FNTB: variants seen among roughly 807,000 people sequenced by gnomAD.
The protein encoded by FNTB is protein farnesyltransferase subunit beta.
In FNTB, 27 loss-of-function variants were observed where a neutral mutation model predicts 59.4. That is an observed-to-expected ratio of 0.45 (90% CI 0.34 to 0.63). The LOEUF (loss-of-function observed/expected upper bound fraction) is 0.63, where lower values mean the gene tolerates loss of function less well. Among genes scored for constraint, FNTB ranks in the 20% least tolerant of loss-of-function variants. The pLI is 0.02. For synonymous variants in FNTB, 230 were observed against 220.7 expected (o/e 1.04, Z -0.37); for missense variants, 449 against 559.6 (o/e 0.80, Z 1.99).
At position 64,991,618 on chromosome 14, in the gene FNTB, TAAG is replaced by T. The variant is rs1344572460; in HGVS notation, c.144+4527_144+4529del. ...GACTCCATCTCAAAAAAGAAAAAAATAAGAAGAATATGCTATAGGCAGTCACAG... is the reference window on the plus strand; with the variant it reads ...GACTCCATCTCAAAAAAGAAAAAAATAAGAATATGCTATAGGCAGTCACAG... On this transcript the variant is annotated intron_variant, in intron 1 of 11. Coordinates refer to ENST00000246166, the MANE Select transcript of FNTB (RefSeq NM_002028.4). This position sits in a 1 kb window ranked among gnomAD's most constrained non-coding sequence, Gnocchi z 4.4. 7.2e-5 allele frequency among the ~76,000 whole-genome samples: 11 copies of T among 151,728 alleles called. No individual in the cohort carries two copies. The highest frequency in any genetic ancestry group is 1.9e-4 in the East Asian group (1 of 5,176).
rs1024388620 is a variant in FNTB at position 65,011,391 on chromosome 14, T to C, written c.210-926T>C. Among the ~76,000 whole-genome samples, 3 of 139,100 alleles carry C rather than the reference T, an allele frequency of 2.2e-5. No individual in the cohort carries two copies. In the Admixed American group the frequency reaches 2.3e-4, roughly 11 times the overall value. 91.3% of individuals were successfully genotyped at this position (139,100 alleles called of 152,430 possible). A position where few individuals can be genotyped will look rare whatever the true frequency, so the allele number is the denominator to read the frequency against. On this transcript the variant is annotated intron_variant, in intron 2 of 11. Coordinates refer to ENST00000246166, the MANE Select transcript of FNTB (RefSeq NM_002028.4). The surrounding 1 kb of genome is among the most constrained non-coding windows in gnomAD (Gnocchi z 4.0). ...TTGCAGTAAGCTGAAATCACACCAC[T>C]GCACTCCAGCCTGGGTGACAGAGCG... is the stretch of plus-strand genomic sequence containing the variant.
At chr14:65,026,140 A>G (rs984307846) in intron 4 of FNTB, among the ~76,000 whole-genome samples, 1 of 152,348 alleles carries the variant, frequency 6.6e-6, no homozygotes, top group Middle Eastern at 3.4e-3. Flanking sequence ...AGAAGGCCCC[A>G]TGAACACTGC....
rs993114843 is a variant in FNTB, at chr14:65,044,093, A to G, written c.823-218A>G. Among the ~76,000 whole-genome samples, 1 of 152,200 alleles carries G rather than the reference A, an allele frequency of 6.6e-6. No homozygotes were observed. Among genetic ancestry groups the G allele is most frequent in the Non-Finnish European group, 1.5e-5 (1 of 68,026 alleles). ...GTCTGCCAGGCATTGAGCAGAGATC[A>G]GTGCTGGATGCCTCTACAGCGTTGG... On this transcript the variant is annotated intron_variant, in intron 8 of 11. Coordinates refer to ENST00000246166, the MANE Select transcript of FNTB (RefSeq NM_002028.4). This position sits in a 1 kb window ranked among gnomAD's most constrained non-coding sequence, Gnocchi z 5.5.
intron 2 of FNTB, among the ~76,000 whole-genome samples, chr14:65,006,724 C>T (rs1464572424): frequency 6.6e-6 from 1 of 152,228 alleles, no homozygotes; most frequent in Non-Finnish European, 1.5e-5. Flanking sequence ...TCCCTTTTCA[C>T]TTACCATCAG....
chr14:65,026,615 T>G (rs931262446), intron 4 of FNTB, among the ~76,000 whole-genome samples: 3 of 152,184 alleles, frequency 2.0e-5, no homozygotes, highest in African/African-American at 7.2e-5. Context: ...ATCCCAGCAC[T>G]TGCAGAGGCT....
At chr14:65,021,984 C>T (rs765656861) in intron 4 of FNTB, 4 of 455,936 alleles carry the variant, frequency 8.8e-6, no homozygotes, top group Middle Eastern at 3.2e-4. Context: ...TCTTCCAGAA[C>T]AGCAGCCATC....
chr14:65,002,620 A>G (rs1300844856), intron 1 of FNTB, among the ~76,000 whole-genome samples: 1 of 148,230 alleles, frequency 6.7e-6, no homozygotes, highest in Non-Finnish European at 1.5e-5. Context: ...AATAATAATA[A>G]TAAAATAAAA....
rs1441928449 is a variant in FNTB, at chr14:65,054,311, A to T, written c.1068-264A>T. On this transcript the variant is annotated intron_variant, in intron 10 of 11. Coordinates refer to ENST00000246166, the MANE Select transcript of FNTB (RefSeq NM_002028.4). The surrounding 1 kb of genome is among the most constrained non-coding windows in gnomAD (Gnocchi z 4.4). Reference sequence around the variant, plus strand: ...ATTTTTTGTAGAGACGGGGTCTCCCATGTTGCCCAAGTTGGTTTTGAACTC... The same window carrying T: ...ATTTTTTGTAGAGACGGGGTCTCCCTTGTTGCCCAAGTTGGTTTTGAACTC... 6.6e-6 allele frequency among the ~76,000 whole-genome samples: 1 copy of T among 151,828 alleles called. No individual in the cohort carries two copies. The highest frequency in any genetic ancestry group is 1.5e-5 in the Non-Finnish European group (1 of 67,990).
chr14:65,053,219 A>G lies in FNTB; in HGVS notation c.956-19A>G. The stretch of plus-strand genomic sequence containing the variant: ...GGCTGGATCTGCCGGGCCCTTACTG[A>G]CCCTTTGCCCTTCAACAGGTGACCC... On this transcript the variant is annotated intron_variant, in intron 9 of 11. Transcript: ENST00000246166. 7.4e-7 allele frequency: 1 copy of G among 1,357,300 alleles called. No homozygotes were observed. 84.1% of individuals were successfully genotyped at this position (1,357,300 alleles called of 1,614,324 possible). A position where few individuals can be genotyped will look rare whatever the true frequency, so the allele number is the denominator to read the frequency against.
intron 11 of FNTB, among the ~76,000 whole-genome samples, chr14:65,056,085 C>CTATAAGCAATATATAGTTTTT (rs1221180206): frequency 6.6e-6 from 1 of 152,116 alleles, no homozygotes; most frequent in Non-Finnish European, 1.5e-5. Context: ...ACATATGTAT[C>CTATAAGCAATATATAGTTTTT]TATAAGCAAT....
At chr14:65,019,053 C>T (rs1566872938) in intron 4 of FNTB, among the ~76,000 whole-genome samples, 1 of 152,078 alleles carries the variant, frequency 6.6e-6, no homozygotes, top group Non-Finnish European at 1.5e-5. Context: ...TACTGCACTC[C>T]CGGCTCCTAC....
intron 9 of FNTB, among the ~76,000 whole-genome samples, chr14:65,051,337 C>T (rs1483052784): frequency 6.6e-6 from 1 of 152,142 alleles, no homozygotes; most frequent in South Asian, 2.1e-4. Context: ...AGGCTGGGTG[C>T]GGTGGCCCAT....
chr14:65,022,200 A>G (rs2061901436), intron 4 of FNTB: 1 of 388,692 alleles, frequency 2.6e-6, no homozygotes, highest in Non-Finnish European at 5.2e-6. Context: ...ATGCCAGCTC[A>G]TGCATCTTGC....
intron 8 of FNTB, among the ~76,000 whole-genome samples, chr14:65,042,828 T>A (rs74952288): frequency 0.017 from 2,575 of 152,336 alleles, 44 homozygotes; most frequent in African/African-American, 0.039. Context: ...CTGCTTTCTC[T>A]CTGCCTGAGT....
Position 65,053,272 on chromosome 14 carries a change from C to A in FNTB, c.990C>A (p.Phe330Leu). The change falls in exon 10 of 12, where the codon TTC (phenylalanine) becomes TTA (leucine). Residue 330 changes from phenylalanine to leucine, a missense_variant. This residue lies in a region of FNTB where 337 missense variants were observed against 479.1 expected (regional missense o/e 0.70). Coordinates refer to ENST00000246166, the MANE Select transcript of FNTB (RefSeq NM_002028.4). ...CCCTTAGCATGAGCCACTGGATGTTCCATCAGCAGGCCCTGCAGGAGTACA... is the reference window on the plus strand; with the variant it reads ...CCCTTAGCATGAGCCACTGGATGTTACATCAGCAGGCCCTGCAGGAGTACA... ...DPALSMSHWM[F>L]HQQALQEYIL... 1 of 1,455,594 alleles carries A rather than the reference C, an allele frequency of 6.9e-7. No homozygotes were observed. The highest frequency in any genetic ancestry group is 9.1e-7 in the Non-Finnish European group (1 of 1,094,678). 90.2% of individuals were successfully genotyped at this position (1,455,594 alleles called of 1,614,324 possible).
At position 65,031,324 on chromosome 14, in the gene FNTB, G is replaced by GT. The variant is rs1320519815; in HGVS notation, c.606-1275dup. 1.1e-3 allele frequency among the ~76,000 whole-genome samples: 153 copies of GT among 144,102 alleles called. No homozygotes were observed. Among genetic ancestry groups the GT allele is most frequent in the East Asian group, 2.4e-3 (12 of 4,922 alleles). 94.5% of individuals were successfully genotyped at this position (144,102 alleles called of 152,430 possible). On this transcript the variant is annotated intron_variant, in intron 6 of 11. Transcript: ENST00000246166. This position sits in a 1 kb window ranked among gnomAD's most constrained non-coding sequence, Gnocchi z 4.6. ...TCAAGTATAATAATTTTTTGTGTTT[G>GT]TTTTTTTTTTTGAGACAGAGTCTCA...
chr14:64,987,028 T>C lies in FNTB; in HGVS notation c.75T>C (p.Ser25=), dbSNP rs1887970231. Residue 25 remains serine (S), a synonymous_variant, in exon 1 of 12, where the codon AGT becomes AGC. Transcript: ENST00000246166. ...CCGTCTGGTCAGAGCCGCTGTACAG[T>C]CTGAGGCCCGAGCACGCGCGAGAGC... is the stretch of plus-strand genomic sequence containing the variant. ...SSPVWSEPLY[S]LRPEHARERL... 6.2e-7 allele frequency: 1 copy of C among 1,614,052 alleles called. No individual in the cohort carries two copies. The highest frequency in any genetic ancestry group is 1.7e-5 in the Admixed American group (1 of 60,008).
At position 65,011,790 on chromosome 14, in the gene FNTB, C is replaced by G. The variant is rs371411496; in HGVS notation, c.210-527C>G. 2.4e-3 allele frequency among the ~76,000 whole-genome samples: 361 copies of G among 152,236 alleles called. 2 individuals are homozygous for G. The highest frequency in any genetic ancestry group is 8.2e-3 in the African/African-American group (342 of 41,536). On this transcript the variant is annotated intron_variant, in intron 2 of 11. Coordinates refer to ENST00000246166, the MANE Select transcript of FNTB (RefSeq NM_002028.4). The surrounding 1 kb of genome is among the most constrained non-coding windows in gnomAD (Gnocchi z 4.0). ...CCTCTGGCCAGGGCTGTGGGTCACACGTGGGAGGTGGAATTTCAGGGAGAG... is the reference window on the plus strand; with the variant it reads ...CCTCTGGCCAGGGCTGTGGGTCACAGGTGGGAGGTGGAATTTCAGGGAGAG...
chr14:65,005,743 T>C (rs1399735784), intron 2 of FNTB, among the ~76,000 whole-genome samples: 2 of 152,066 alleles, frequency 1.3e-5, no homozygotes, highest in African/African-American at 2.4e-5. Flanking sequence ...GCGAATCCTT[T>C]CAGTGCAGCC....
Sources: gnomAD v4.1 joint callset for allele counts (sites outside exome capture counted in the v4.1 genomes callset) on GRCh38, gnomAD v4.1.1 for gene constraint, gnomAD v4.1.1 regional missense constraint, Gnocchi (gnomAD v3.1) non-coding constraint, MANE v1.5 for transcripts, NCBI Gene and HGNC (gene_info 2026-07-23, HGNC 2026-07-21) for gene names.